AGTPBP1: variants seen among roughly 807,000 people sequenced by gnomAD.
AGTPBP1 encodes the protein ATP/GTP binding carboxypeptidase 1.
Under a neutral mutation model 143.9 loss-of-function variants are expected in AGTPBP1, and 70 were observed. The ratio of observed to expected loss-of-function variants is 0.49; its 90% CI spans 0.40 to 0.59. The LOEUF is 0.59. AGTPBP1 is among the 20% of genes least tolerant of loss of function. The pLI, the probability that AGTPBP1 is intolerant of heterozygous loss-of-function variation, is 0.00. For missense variants in AGTPBP1, 1,229 were observed against 1,464.5 expected, an observed-to-expected ratio of 0.84 and a Z score of 2.62; for synonymous variants, 463 against 500.2, an observed-to-expected ratio of 0.93 and a Z score of 0.99.
At chr9:85,749,134 G>A in the AGTPBP1 span, among the ~76,000 whole-genome samples, 5 of 150,822 alleles carry the variant, frequency 3.3e-5, no homozygotes, top group Non-Finnish European at 4.4e-5. Context: ...AGCTAGGACT[G>A]CAGGCACATG....
chr9:85,558,857 C>T (rs1203614762), intron 25 of AGTPBP1, among the ~76,000 whole-genome samples: 1 of 152,126 alleles, frequency 6.6e-6, no homozygotes, highest in Non-Finnish European at 1.5e-5. Flanking sequence ...AGACTCAAGA[C>T]ATCTGCCTGC....
At chr9:85,655,753 A>G (rs1457608251) in intron 10 of AGTPBP1, among the ~76,000 whole-genome samples, 2 of 152,030 alleles carry the variant, frequency 1.3e-5, no homozygotes, top group African/African-American at 2.4e-5. Flanking sequence ...TTATCATGCA[A>G]TAATACCTCT....
chr9:85,733,677 G>T (rs1051468923), intron 1 of AGTPBP1, among the ~76,000 whole-genome samples: 21 of 152,082 alleles, frequency 1.4e-4, no homozygotes, highest in African/African-American at 5.1e-4. Flanking sequence ...CCAAAAGTTG[G>T]TGCTTTGAAA....
At chr9:85,613,118 TTCTAA>T (rs1179153475) in intron 17 of AGTPBP1, among the ~76,000 whole-genome samples, 1 of 151,930 alleles carries the variant, frequency 6.6e-6, no homozygotes, top group Non-Finnish European at 1.5e-5. Flanking sequence ...GCCTAAATAA[TTCTAA>T]TCTAAAGGAT....
At chr9:85,728,062 CA>C (rs1198873183) in intron 1 of AGTPBP1, among the ~76,000 whole-genome samples, 1 of 150,746 alleles carries the variant, frequency 6.6e-6, no homozygotes, top group African/African-American at 2.4e-5. Flanking sequence ...CACACACACA[CA>C]CACACACACA....
At chr9:85,714,273 T>G (rs1030756083) in intron 1 of AGTPBP1, among the ~76,000 whole-genome samples, 1 of 152,170 alleles carries the variant, frequency 6.6e-6, no homozygotes, top group Non-Finnish European at 1.5e-5. Flanking sequence ...AGAGGGTCCA[T>G]AGGTGGGAAG....
At chr9:85,757,552 G>C in the AGTPBP1 span, among the ~76,000 whole-genome samples, 1 of 152,172 alleles carries the variant, frequency 6.6e-6, no homozygotes, top group Non-Finnish European at 1.5e-5. Flanking sequence ...CAGAACAGAA[G>C]ATGCTGCATT....
At chr9:85,558,439 C>T (rs1011220243) in intron 25 of AGTPBP1, among the ~76,000 whole-genome samples, 2 of 152,102 alleles carry the variant, frequency 1.3e-5, no homozygotes, top group Non-Finnish European at 2.9e-5. Context: ...CTAAATGCCA[C>T]TGAATTGTTT....
At chr9:85,774,327 T>C in the AGTPBP1 span, among the ~76,000 whole-genome samples, 1 of 152,218 alleles carries the variant, frequency 6.6e-6, no homozygotes, top group African/African-American at 2.4e-5. Flanking sequence ...AAATGTGGGA[T>C]TGATTCAGGC....
chr9:85,568,712 G>C (rs2132952409), intron 25 of AGTPBP1, among the ~76,000 whole-genome samples: 1 of 152,296 alleles, frequency 6.6e-6, no homozygotes, highest in East Asian at 1.9e-4. Context: ...AATGGTAAAG[G>C]TGATGGAGAG....
chr9:85,633,827 A>T (rs1013629414), intron 13 of AGTPBP1, among the ~76,000 whole-genome samples: 20 of 152,038 alleles, frequency 1.3e-4, no homozygotes, highest in Admixed American at 1.3e-4. Flanking sequence ...TGTCAATACA[A>T]CAAGTAATAA....
intron 17 of AGTPBP1, among the ~76,000 whole-genome samples, chr9:85,603,173 A>C (rs888387725): frequency 6.6e-6 from 1 of 152,216 alleles, no homozygotes; most frequent in African/African-American, 2.4e-5. Context: ...GTGGGACACC[A>C]ATCAGAGCAG....
chr9:85,547,679 G>A (rs548039815), intron 25 of AGTPBP1, among the ~76,000 whole-genome samples: 7 of 152,260 alleles, frequency 4.6e-5, no homozygotes, highest in African/African-American at 1.4e-4. Context: ...ACAAGAAACT[G>A]TGAGCATTTA....
chr9:85,628,630 T>C (rs1328156329), intron 14 of AGTPBP1, among the ~76,000 whole-genome samples: 1 of 152,200 alleles, frequency 6.6e-6, no homozygotes, highest in Non-Finnish European at 1.5e-5. Flanking sequence ...TCAAATGCAT[T>C]TTGGAGCCAG....
the AGTPBP1 span, among the ~76,000 whole-genome samples, chr9:85,768,377 A>C: frequency 1.3e-5 from 2 of 152,246 alleles, no homozygotes; most frequent in Non-Finnish European, 2.9e-5. Flanking sequence ...AGGTTCTTGG[A>C]AATTGTGACT....
chr9:85,775,583 TATAA>T, the AGTPBP1 span, among the ~76,000 whole-genome samples: 1 of 144,818 alleles, frequency 6.9e-6, no homozygotes, highest in South Asian at 2.1e-4. Flanking sequence ...ATTTATATTA[TATAA>T]ATATATATAT....
intron 25 of AGTPBP1, among the ~76,000 whole-genome samples, chr9:85,567,925 T>C (rs1827212430): frequency 6.6e-6 from 1 of 152,226 alleles, no homozygotes; most frequent in African/African-American, 2.4e-5. Flanking sequence ...AAATTAAAAG[T>C]ACCTATTAAG....
chr9:85,596,557 T>A, intron 17 of AGTPBP1, 108 bp from the exon 18 acceptor site: 1 of 683,578 alleles, frequency 1.5e-6, no homozygotes, highest in Non-Finnish European at 2.3e-6. Context: ...CAGAAGTAAA[T>A]TACATTTCAG....
At chr9:85,726,122 T>G (rs1838469235) in intron 1 of AGTPBP1, among the ~76,000 whole-genome samples, 1 of 133,242 alleles carries the variant, frequency 7.5e-6, no homozygotes, top group Non-Finnish European at 1.6e-5. Flanking sequence ...CCCAGCTACA[T>G]GGGAGGGTGA....
Sources: allele counts gnomAD v4.1 joint callset (sites outside exome capture counted in the v4.1 genomes callset), GRCh38; gene constraint gnomAD v4.1.1; transcripts MANE v1.5; gene names NCBI Gene and HGNC (gene_info 2026-07-23, HGNC 2026-07-21).